WWC1: variants seen among roughly 807,000 people sequenced by gnomAD.
The protein encoded by WWC1 is WW and C2 domain containing 1, also known as protein KIBRA.
In WWC1, 55 loss-of-function variants were observed where a neutral mutation model predicts 138.4. The ratio of observed to expected loss-of-function variants is 0.40; its 90% CI spans 0.32 to 0.50. The LOEUF is 0.50. Ranked by LOEUF, WWC1 falls within the 20% of genes least tolerant of loss-of-function variation. The pLI, the probability that WWC1 is intolerant of heterozygous loss-of-function variation, is 0.72. For synonymous variants in WWC1, 524 were observed against 564.9 expected (o/e 0.93, Z 1.03); for missense variants, 1,226 against 1,420.4 (o/e 0.86, Z 2.20).
At position 168,307,512 on chromosome 5, in the gene WWC1, T is replaced by TA. The variant is rs560005942; in HGVS notation, c.119+15241_119+15242insA. Among the ~76,000 whole-genome samples, 691 of 152,144 alleles carry TA rather than the reference T, an allele frequency of 4.5e-3. 2 individuals are homozygous for TA. Among genetic ancestry groups the TA allele is most frequent in the African/African-American group, 0.015 (640 of 41,496 alleles). The stretch of plus-strand genomic sequence containing the variant: ...TGAGTGAGCTCTTTTTCTGAGTACA[T>TA]TTGGTTTTTCAAAATCCCTCCAAGG... On this transcript the variant is annotated intron_variant, in intron 1 of 22. Coordinates refer to ENST00000265293, the MANE Select transcript of WWC1 (RefSeq NM_015238.3).
In WWC1 at chr5:168,388,101, G is replaced by C. The variant is rs560686142; in HGVS notation, c.433+2687G>C. Among the ~76,000 whole-genome samples the C allele has an allele frequency of 1.8e-4, 28 of 152,290 alleles. 1 individual carries two copies. The highest frequency in any genetic ancestry group is 7.2e-4 in the Admixed American group (11 of 15,304). On this transcript the variant is annotated intron_variant, in intron 3 of 22. Coordinates refer to ENST00000265293, the MANE Select transcript of WWC1 (RefSeq NM_015238.3). Reference sequence around the variant, plus strand: ...TACTTTTACATTGGAGAGATGGGCAGCCACCACTTTACGTAGTGGTAAAAT... The same window carrying C: ...TACTTTTACATTGGAGAGATGGGCACCCACCACTTTACGTAGTGGTAAAAT...
At chr5:168,414,273 CTG>C in intron 8 of WWC1, 73 bp from the exon 9 acceptor site, 1 of 1,553,640 alleles carries the variant, frequency 6.4e-7, no homozygotes, top group South Asian at 1.3e-5. Flanking sequence ...TCTGAGATGT[CTG>C]TTTCTTCATG....
intron 2 of WWC1, among the ~76,000 whole-genome samples, chr5:168,383,849 G>T (rs758549655): frequency 4.6e-5 from 7 of 152,124 alleles, no homozygotes; most frequent in Non-Finnish European, 1.0e-4. Flanking sequence ...CATGGGCATT[G>T]ATTCTTTGAC....
intron 1 of WWC1, among the ~76,000 whole-genome samples, chr5:168,333,815 C>T (rs1243200723): frequency 1.3e-5 from 2 of 151,988 alleles, no homozygotes; most frequent in East Asian, 1.9e-4. Context: ...CCTTACCAGC[C>T]CCCTCCCACT....
intron 3 of WWC1, among the ~76,000 whole-genome samples, chr5:168,386,848 C>T (rs1426249557): frequency 1.3e-5 from 2 of 151,916 alleles, no homozygotes; most frequent in Non-Finnish European, 1.5e-5. Context: ...CAGGGTTTCC[C>T]GATGTTGGCC....
chr5:168,300,789 A>T (rs1165862934), intron 1 of WWC1, among the ~76,000 whole-genome samples: 1 of 152,072 alleles, frequency 6.6e-6, no homozygotes, highest in African/African-American at 2.4e-5. Flanking sequence ...AGTGGTGGTT[A>T]CTTGTTGGAT....
At chr5:168,420,888 T>G (rs2152850049) in intron 9 of WWC1, among the ~76,000 whole-genome samples, 1 of 152,254 alleles carries the variant, frequency 6.6e-6, no homozygotes, top group South Asian at 2.1e-4. Context: ...CCCACAGTCA[T>G]GGTGACCTCA....
At chr5:168,452,228 T>C (rs527811850) in intron 17 of WWC1, among the ~76,000 whole-genome samples, 2 of 152,116 alleles carry the variant, frequency 1.3e-5, no homozygotes, top group Non-Finnish European at 2.9e-5. Flanking sequence ...AAAGGGTAAA[T>C]TTATACTTAC....
rs540003421 is a variant in WWC1, at chr5:168,386,386, T to TC, written c.433+972_433+973insC. Among the ~76,000 whole-genome samples, 21 of 150,664 alleles carry TC rather than the reference T, an allele frequency of 1.4e-4. No homozygotes were observed. The South Asian group carries it at 4.4e-3, about 32-fold the overall frequency. ...CCAAAATCCCCTTGTTCTTTTTTTT[T>TC]TTTTCTTTTTCTTTTTTTTCTTTTG... On this transcript the variant is annotated intron_variant, in intron 3 of 22. Coordinates refer to ENST00000265293, the MANE Select transcript of WWC1 (RefSeq NM_015238.3).
At chr5:168,408,776 G>A in intron 7 of WWC1, 123 bp downstream of exon 7, 2 of 1,343,254 alleles carry the variant, frequency 1.5e-6, no homozygotes, top group Non-Finnish European at 2.0e-6. Context: ...TGCAGGGCTG[G>A]CTGCTGCCTC....
intron 2 of WWC1, among the ~76,000 whole-genome samples, chr5:168,380,439 C>T (rs1777536222): frequency 6.6e-6 from 1 of 151,802 alleles, no homozygotes; most frequent in Non-Finnish European, 1.5e-5. Flanking sequence ...AGACCCCCAT[C>T]TCAAAAAAAT....
At chr5:168,334,897 T>C (rs886272739) in intron 1 of WWC1, among the ~76,000 whole-genome samples, 11 of 152,170 alleles carry the variant, frequency 7.2e-5, no homozygotes, top group Non-Finnish European at 1.5e-4. Context: ...ATGCTACCGG[T>C]CCCTCTGGTA....
intron 1 of WWC1, among the ~76,000 whole-genome samples, chr5:168,334,945 C>T (rs1033948829): frequency 3.3e-5 from 5 of 152,152 alleles, no homozygotes; most frequent in Non-Finnish European, 5.9e-5. Context: ...AAACTGGGCC[C>T]AGAGGCTGAA....
intron 11 of WWC1, among the ~76,000 whole-genome samples, chr5:168,426,115 T>C (rs1467895969): frequency 6.6e-6 from 1 of 152,092 alleles, no homozygotes; most frequent in African/African-American, 2.4e-5. Context: ...GAAATGAGGT[T>C]TCCTTGTTAA....
intron 1 of WWC1, among the ~76,000 whole-genome samples, chr5:168,320,231 C>T (rs1771947360): frequency 2.0e-5 from 3 of 152,108 alleles, no homozygotes; most frequent in African/African-American, 4.8e-5. Flanking sequence ...GACGGAGTTT[C>T]ACCATGTTGG....
In WWC1 at chr5:168,431,457, T is replaced by TCTGG. The variant is rs11279828; in HGVS notation, c.2280+57_2280+60dup. 3,086 of 1,414,470 alleles carry TCTGG rather than the reference T, an allele frequency of 2.2e-3. 8 individuals are homozygous for TCTGG. Among genetic ancestry groups the TCTGG allele is most frequent in the Middle Eastern group, 4.2e-3 (21 of 4,972 alleles). 87.6% of individuals were successfully genotyped at this position (1,414,470 alleles called of 1,614,324 possible). On this transcript the variant is annotated intron_variant, in intron 15 of 22. Coordinates refer to ENST00000265293, the MANE Select transcript of WWC1 (RefSeq NM_015238.3). ...GGAAGAGTGCCTGGTAAGGGCCGTGTCTGGCTGGCTGGCTGGCTGGCTGGC... is the reference window on the plus strand; with the variant it reads ...GGAAGAGTGCCTGGTAAGGGCCGTGTCTGGCTGGCTGGCTGGCTGGCTGGCTGGC...
chr5:168,402,949 A>G (rs1399094608), intron 5 of WWC1, among the ~76,000 whole-genome samples: 1 of 152,038 alleles, frequency 6.6e-6, no homozygotes, highest in Non-Finnish European at 1.5e-5. Context: ...CTTTGACCAC[A>G]TGTAATTTCC....
intron 17 of WWC1, among the ~76,000 whole-genome samples, chr5:168,445,110 T>A: frequency 6.6e-6 from 1 of 151,002 alleles, no homozygotes; most frequent in Non-Finnish European, 1.5e-5. Context: ...CGTCAGGAGC[T>A]CGAGACCAGC....
In WWC1 at chr5:168,441,763, T is replaced by C. The variant is rs1204905941; in HGVS notation, c.2362T>C (p.Tyr788His). 1.9e-6 allele frequency: 3 copies of C among 1,614,106 alleles called. No homozygotes were observed. In the South Asian group the frequency reaches 3.3e-5, roughly 18 times the overall value. The change falls in exon 16 of 23, where the codon TAC (tyrosine) becomes CAC (histidine). Residue 788 changes from tyrosine to histidine, a missense_variant. This residue lies in a region of WWC1 where 1,016 missense variants were observed against 1,153.9 expected (regional missense o/e 0.88). Transcript: ENST00000265293. ...CTGGTACAACCTTCTCAGCTACAAATACTTGAAGAAACAGAGCAGGGAGCT... is the reference window on the plus strand; with the variant it reads ...CTGGTACAACCTTCTCAGCTACAAACACTTGAAGAAACAGAGCAGGGAGCT... The part of the protein sequence containing the change: ...TRWYNLLSYK[Y>H]LKKQSRELKP...
Sources: gnomAD v4.1 joint callset for allele counts (sites outside exome capture counted in the v4.1 genomes callset) on GRCh38, gnomAD v4.1.1 for gene constraint, gnomAD v4.1.1 regional missense constraint, MANE v1.5 for transcripts, NCBI Gene and HGNC (gene_info 2026-07-23, HGNC 2026-07-21) for gene names.